Variants in TTC29 observed in about 807,000 individuals in gnomAD.
TTC29 encodes tetratricopeptide repeat protein 29.
TTC29 carries 49 observed loss-of-function variants against 58.1 expected under a neutral mutation model. The observed-to-expected ratio is 0.84, with a 90% CI of 0.67 to 1.07. The LOEUF is 1.07. Among genes scored for constraint, TTC29 ranks in the 50% least tolerant of loss-of-function variants. The pLI is 0.00. For missense variants in TTC29, 582 were observed against 555.6 expected (o/e 1.05, Z -0.48); for synonymous variants, 209 against 196.8 (o/e 1.06, Z -0.52).
intron 4 of TTC29, among the ~76,000 whole-genome samples, chr4:146,935,210 G>A (rs180678392): frequency 2.4e-4 from 36 of 152,144 alleles, no homozygotes; most frequent in African/African-American, 7.7e-4. Context: ...TCCACCCATC[G>A]CATTGGGAGG....
intron 4 of TTC29, among the ~76,000 whole-genome samples, chr4:146,910,381 T>C (rs1319600620): frequency 6.6e-6 from 1 of 152,032 alleles, no homozygotes; most frequent in East Asian, 1.9e-4. Context: ...TGCATTAGAT[T>C]CACCTACAGA....
chr4:146,890,164 CAGTTCTGGAGGCTGAA>C (rs1436764831), intron 6 of TTC29, among the ~76,000 whole-genome samples: 1 of 152,138 alleles, frequency 6.6e-6, no homozygotes, highest in East Asian at 1.9e-4. Context: ...TATGGTCTCA[CAGTTCTGGAGGCTGAA>C]AGTTCAAACT....
intron 11 of TTC29, among the ~76,000 whole-genome samples, chr4:146,752,264 A>G (rs1025684050): frequency 1.3e-5 from 2 of 148,512 alleles, no homozygotes; most frequent in African/African-American, 5.1e-5. Flanking sequence ...GCATTCTTAT[A>G]CGCCAATAAC....
intron 8 of TTC29, among the ~76,000 whole-genome samples, chr4:146,834,976 T>A (rs912930005): frequency 3.3e-5 from 5 of 152,168 alleles, no homozygotes; most frequent in African/African-American, 1.2e-4. Flanking sequence ...AGGGTTTTAA[T>A]TCCTGCTAAA....
intron 8 of TTC29, among the ~76,000 whole-genome samples, chr4:146,864,543 G>T (rs1054570602): frequency 6.6e-6 from 1 of 152,118 alleles, no homozygotes; most frequent in Non-Finnish European, 1.5e-5. Context: ...CAAACTAAAT[G>T]ACTTAAAATA....
chr4:146,893,301 CA>C (rs1163622174), intron 6 of TTC29, among the ~76,000 whole-genome samples: 2 of 152,092 alleles, frequency 1.3e-5, no homozygotes, highest in Non-Finnish European at 2.9e-5. Context: ...CTACAGTAAC[CA>C]AAACAGCATG....
chr4:146,853,214 C>T (rs1267318237), intron 8 of TTC29, among the ~76,000 whole-genome samples: 1 of 151,854 alleles, frequency 6.6e-6, no homozygotes, highest in Non-Finnish European at 1.5e-5. Flanking sequence ...ATACAGATAC[C>T]AATCTCCCCC....
chr4:146,835,157 T>A (rs1728421825), intron 8 of TTC29, among the ~76,000 whole-genome samples: 1 of 152,212 alleles, frequency 6.6e-6, no homozygotes, highest in Admixed American at 6.6e-5. Context: ...TTATTACCTT[T>A]GATTTTCATT....
intron 11 of TTC29, among the ~76,000 whole-genome samples, chr4:146,785,947 A>AAT (rs57449543): frequency 0.052 from 7,809 of 150,302 alleles, 290 homozygotes; most frequent in East Asian, 0.13. Context: ...GTTATTAAAG[A>AAT]ATATATATAT....
intron 11 of TTC29, among the ~76,000 whole-genome samples, chr4:146,778,986 A>G (rs1376790545): frequency 6.4e-5 from 8 of 125,916 alleles, no homozygotes; most frequent in African/African-American, 2.0e-4. Context: ...CAAAAAAAAA[A>G]AAAAAAAAAA....
In TTC29 at chr4:146,707,477, T is replaced by G. The variant is rs756086589; in HGVS notation, c.1397+8A>C. ...CTTAATAGAAACTTTTTACTTGATT[T>G]ATCATACCTACTGAGTTCTTCCAAA... On this transcript the variant is annotated splice_region_variant and intron_variant, in intron 12 of 12. Coordinates refer to ENST00000325106, the MANE Select transcript of TTC29 (RefSeq NM_031956.4). 54 of 1,605,072 alleles carry G rather than the reference T, an allele frequency of 3.4e-5. No individual in the cohort carries two copies. The South Asian group carries it at 5.9e-4, about 17-fold the overall frequency.
At chr4:146,770,314 C>T (rs577225434) in intron 11 of TTC29, among the ~76,000 whole-genome samples, 75 of 151,904 alleles carry the variant, frequency 4.9e-4, no homozygotes, top group African/African-American at 1.7e-3. Context: ...TTCTGCATTT[C>T]TCAAAAAAAG....
At chr4:146,927,002 CAGG>C (rs1288946847) in intron 4 of TTC29, among the ~76,000 whole-genome samples, 1 of 145,116 alleles carries the variant, frequency 6.9e-6, no homozygotes, top group East Asian at 2.0e-4. Flanking sequence ...GAGGCTGAGG[CAGG>C]AGAATTGCTT....
intron 11 of TTC29, among the ~76,000 whole-genome samples, chr4:146,779,389 A>G (rs1388289084): frequency 6.6e-6 from 1 of 152,166 alleles, no homozygotes; most frequent in Non-Finnish European, 1.5e-5. Context: ...TGCATAAAAA[A>G]TAGGAGCAAT....
At chr4:146,717,408 G>C (rs766797135) in intron 11 of TTC29, among the ~76,000 whole-genome samples, 1 of 152,016 alleles carries the variant, frequency 6.6e-6, no homozygotes, top group Non-Finnish European at 1.5e-5. Flanking sequence ...CTCCCAGGTA[G>C]CTGGGATTAT....
At chr4:146,736,951 G>A (rs556348732) in intron 11 of TTC29, among the ~76,000 whole-genome samples, 3 of 152,276 alleles carry the variant, frequency 2.0e-5, no homozygotes, top group South Asian at 2.1e-4. Flanking sequence ...AGTGCACTAT[G>A]AACAGCTCTC....
At chr4:146,915,332 A>T (rs12502413) in intron 4 of TTC29, among the ~76,000 whole-genome samples, 1 of 151,942 alleles carries the variant, frequency 6.6e-6, no homozygotes, top group South Asian at 2.1e-4. Context: ...TTATGATGCA[A>T]TCTTTCAATT....
intron 11 of TTC29, among the ~76,000 whole-genome samples, chr4:146,730,158 T>A (rs974561907): frequency 1.3e-5 from 2 of 152,134 alleles, no homozygotes; most frequent in African/African-American, 4.8e-5. Context: ...CTCCTCATAT[T>A]TTTCCATATC....
chr4:146,844,170 T>C (rs1729020116), intron 8 of TTC29, among the ~76,000 whole-genome samples: 1 of 152,190 alleles, frequency 6.6e-6, no homozygotes, highest in African/African-American at 2.4e-5. Flanking sequence ...TGTAAAAACA[T>C]AAATATATCA....
Sources: allele counts gnomAD v4.1 joint callset (sites outside exome capture counted in the v4.1 genomes callset), GRCh38; gene constraint gnomAD v4.1.1; transcripts MANE v1.5; gene names NCBI Gene and HGNC (gene_info 2026-07-23, HGNC 2026-07-21).